The following TRIM72 variants were observed in gnomAD, a reference collection of about 807,000 sequenced individuals.
TRIM72 encodes the protein tripartite motif-containing protein 72.
A neutral mutation model predicts 31.6 loss-of-function variants in TRIM72; 33 were observed. The ratio of observed to expected loss-of-function variants is 1.04; its 90% CI spans 0.79 to 1.40. TRIM72 has a LOEUF of 1.40. Among genes scored for constraint, TRIM72 ranks in the 40% most tolerant of loss-of-function variants. The probability of loss-of-function intolerance (pLI) is 0.00; values close to 1 mark genes in which losing one functional copy is unlikely to be tolerated. For synonymous variants in TRIM72, 301 were observed against 314.4 expected (o/e 0.96, Z 0.45); for missense variants, 666 against 682.7 (o/e 0.98, Z 0.27).
rs1394194641 is a variant in TRIM72, at chr16:31,219,687, T to A, written c.717+168T>A. ...ATGGTTGTTTAGGTTGAGCACTGCA[T>A]AAGGACATTGTATTAAGTGAGCACT... On this transcript the variant is annotated intron_variant, in intron 4 of 6. Coordinates refer to ENST00000322122, the MANE Select transcript of TRIM72 (RefSeq NM_001008274.4). This position sits in a 1 kb window ranked among gnomAD's most constrained non-coding sequence, Gnocchi z 4.2. Among the ~76,000 whole-genome samples the A allele has an allele frequency of 6.6e-6, 1 of 152,230 alleles. No homozygotes were observed. The highest frequency in any genetic ancestry group is 1.5e-5 in the Non-Finnish European group (1 of 68,034).
At position 31,226,831 on chromosome 16, in the gene TRIM72, C is replaced by T. The variant is rs2079556467; in HGVS notation, c.*2076C>T. 6.6e-6 allele frequency: 1 copy of T among 152,334 alleles called. No individual in the cohort carries two copies. The highest frequency in any genetic ancestry group is 1.5e-5 in the Non-Finnish European group (1 of 68,144). The allele number at this position is 152,334 out of a possible 1,614,324, so 9.4% of individuals were successfully genotyped here. A position where few individuals can be genotyped will look rare whatever the true frequency, so the allele number is the denominator to read the frequency against. On this transcript the variant is annotated 3_prime_UTR_variant, in exon 7 of 7. Coordinates refer to ENST00000322122, the MANE Select transcript of TRIM72 (RefSeq NM_001008274.4). ...GGGAAGACGCTGGCCTGGGGTCACT[C>T]ATTTTCACGGGGAGGGTGTGCTGGC...
intron 6 of TRIM72, 52 bp from the exon 7 acceptor site, chr16:31,224,129 G>A (rs56996824): frequency 1.3e-6 from 2 of 1,567,788 alleles, no homozygotes; most frequent in Non-Finnish European, 1.7e-6. Context: ...GTTGGGAGAA[G>A]ACCCCAGCGA....
At position 31,219,214 on chromosome 16, in the gene TRIM72, C is replaced by A. The variant is rs745390498; in HGVS notation, c.486+24C>A. ...AGGTGAGGACTTCACAGGGCCATGT[C>A]TGAGGGCTGGGGGCCAGGCTAGGGG... On this transcript the variant is annotated intron_variant, in intron 3 of 6. Coordinates refer to ENST00000322122, the MANE Select transcript of TRIM72 (RefSeq NM_001008274.4). This position sits in a 1 kb window ranked among gnomAD's most constrained non-coding sequence, Gnocchi z 4.2. 2 of 1,613,900 alleles carry A rather than the reference C, an allele frequency of 1.2e-6. No homozygotes were observed. Among genetic ancestry groups the A allele is most frequent in the Admixed American group, 1.7e-5 (1 of 59,972 alleles).
rs1166085381 is a variant in TRIM72, at chr16:31,227,067, T to TAGA, written c.*2315_*2317dup. 2.6e-5 allele frequency: 4 copies of TAGA among 152,310 alleles called. No homozygotes were observed. The East Asian group carries it at 7.7e-4, about 29-fold the overall frequency. 9.4% of individuals were successfully genotyped at this position (152,310 alleles called of 1,614,324 possible). ...AGGAGACAGAAGAGAGGATTAACGGTAGAAGCTCTTTCATGTTAGAAAATA... is the reference window on the plus strand; with the variant it reads ...AGGAGACAGAAGAGAGGATTAACGGTAGAAGAAGCTCTTTCATGTTAGAAAATA... On this transcript the variant is annotated 3_prime_UTR_variant, in exon 7 of 7. Coordinates refer to ENST00000322122, the MANE Select transcript of TRIM72 (RefSeq NM_001008274.4).
intron 5 of TRIM72, 77 bp from the exon 6 acceptor site, chr16:31,222,750 G>T: frequency 1.4e-6 from 1 of 738,194 alleles, no homozygotes. Context: ...GGGGTGCGAT[G>T]TGGGGAGATC....
rs967122876 is a variant in TRIM72, at chr16:31,229,560, C to T, written c.*4805C>T. On this transcript the variant is annotated 3_prime_UTR_variant, in exon 7 of 7. Transcript: ENST00000322122. ...TCCTTGTCGGGTGGGGCTGCCTGAC[C>T]CAGGCAGGGTCTCCCTGGGGATGTA... 7.9e-5 allele frequency: 12 copies of T among 152,166 alleles called. No homozygotes were observed. The highest frequency in any genetic ancestry group is 2.0e-4 in the Admixed American group (3 of 15,262). The allele number at this position is 152,166 out of a possible 1,614,324, so 9.4% of individuals were successfully genotyped here. A position where few individuals can be genotyped will look rare whatever the true frequency, so the allele number is the denominator to read the frequency against.
In TRIM72 at chr16:31,224,614, C is replaced by T. The variant is rs1417501127; in HGVS notation, c.1293C>T (p.Asp431=). Residue 431 remains aspartate (D), a synonymous_variant, in exon 7 of 7, where the codon GAC becomes GAT. Coordinates refer to ENST00000322122, the MANE Select transcript of TRIM72 (RefSeq NM_001008274.4). ...DGVLSFYDAS[D]ADALVPLFAF... is the part of the protein sequence containing the mutation. ...TCCTCTCCTTCTACGATGCCAGCGA[C>T]GCCGACGCGCTCGTGCCGCTTTTTG... 6.4e-7 allele frequency: 1 copy of T among 1,552,350 alleles called. No individual in the cohort carries two copies. The highest frequency in any genetic ancestry group is 1.2e-5 in the South Asian group (1 of 85,506).
At position 31,216,966 on chromosome 16, in the gene TRIM72, C is replaced by A; in HGVS notation, c.390+1838C>A. 6.2e-7 allele frequency: 1 copy of A among 1,614,160 alleles called. No homozygotes were observed. Among genetic ancestry groups the A allele is most frequent in the Non-Finnish European group, 8.5e-7 (1 of 1,180,012 alleles). On this transcript the variant is annotated intron_variant, in intron 2 of 6. Transcript: ENST00000322122. This position sits in a 1 kb window ranked among gnomAD's most constrained non-coding sequence, Gnocchi z 6.7. ...CCGTCCCCAGCTTCATCTTGAACTT[C>A]TTGAGCTCCTCCGGTGTCAGGTTCT...
In TRIM72 at chr16:31,224,665, C is replaced by CGTGT; in HGVS notation, c.1345_1348dup (p.Tyr450CysfsTer77). 1 of 1,549,086 alleles carries CGTGT rather than the reference C, an allele frequency of 6.5e-7. No individual in the cohort carries two copies. The highest frequency in any genetic ancestry group is 8.7e-7 in the Non-Finnish European group (1 of 1,154,560). On this transcript the variant is annotated frameshift_variant, in exon 7 of 7. Transcript: ENST00000322122. LOFTEE classifies it high-confidence loss of function. ...CCTTCCACGAGCGCCTGCCCAGGCC[C>CGTGT]GTGTACCCCTTCTTCGACGTGTGCT...
chr16:31,230,232 C>T lies in TRIM72; in HGVS notation c.*5477C>T, dbSNP rs2079565695. On this transcript the variant is annotated 3_prime_UTR_variant, in exon 7 of 7. Transcript: ENST00000322122. The stretch of plus-strand genomic sequence containing the variant: ...AGTGAGCCTTATCTCTCTCCCTTTC[C>T]CAGGCATTGTGAAGACCCTGTTTCT... The T allele has an allele frequency of 6.6e-6, 1 of 152,156 alleles. No homozygotes were observed. Among genetic ancestry groups the T allele is most frequent in the Non-Finnish European group, 1.5e-5 (1 of 68,034 alleles). The allele number at this position is 152,156 out of a possible 1,614,324, so 9.4% of individuals were successfully genotyped here.
At position 31,215,575 on chromosome 16, in the gene TRIM72, G is replaced by A. The variant is rs1440517059; in HGVS notation, c.390+447G>A. Among the ~76,000 whole-genome samples, 3 of 152,066 alleles carry A rather than the reference G, an allele frequency of 2.0e-5. No homozygotes were observed. Among genetic ancestry groups the A allele is most frequent in the Non-Finnish European group, 4.4e-5 (3 of 67,994 alleles). On this transcript the variant is annotated intron_variant, in intron 2 of 6. Transcript: ENST00000322122. The surrounding 1 kb of genome is among the most constrained non-coding windows in gnomAD (Gnocchi z 6.3). ...GACTGGAGGCGCGGCGTTCGGGACC[G>A]AGCCAGGCGGCCGGGGCAGGGTTGT...
In TRIM72 at chr16:31,222,924, A is replaced by G. The variant is rs1045551590; in HGVS notation, c.838A>G (p.Met280Val). ...DDFKFQVWRKMFRALMPALEE... is the reference protein window; with the variant it reads ...DDFKFQVWRKVFRALMPALEE... ...CTTCAAATTCCAGGTGTGGAGGAAG[A>G]TGTTCCGGGCTCTGATGCCAGGTAC... Residue 280 changes from methionine (M) to valine (V), a missense_variant, in exon 6 of 7, where the codon ATG becomes GTG. By Grantham distance (21) the Met-to-Val change is conservative. Coordinates refer to ENST00000322122, the MANE Select transcript of TRIM72 (RefSeq NM_001008274.4). 6.4e-7 allele frequency: 1 copy of G among 1,572,588 alleles called. No homozygotes were observed.
intron 2 of TRIM72, chr16:31,217,313 G>A: frequency 4.6e-6 from 2 of 434,488 alleles, no homozygotes; most frequent in Non-Finnish European, 8.3e-6. Flanking sequence ...GGCAGGAATG[G>A]AACTGATTCC....
chr16:31,230,911 A>C lies in TRIM72; in HGVS notation c.*6156A>C, dbSNP rs2079567925. The C allele has an allele frequency of 6.6e-6, 1 of 152,110 alleles. No homozygotes were observed. Among genetic ancestry groups the C allele is most frequent in the Non-Finnish European group, 1.5e-5 (1 of 68,024 alleles). The allele number at this position is 152,110 out of a possible 1,614,324, so 9.4% of individuals were successfully genotyped here. On this transcript the variant is annotated 3_prime_UTR_variant, in exon 7 of 7. Transcript: ENST00000322122. ...GAGACTCTGTCTCAAAGGAAAAAAA[A>C]GAAAATTTATTGAGACCTTATTATG...
chr16:31,216,806 C>A lies in TRIM72; in HGVS notation c.390+1678C>A, dbSNP rs759953624. Reference sequence around the variant, plus strand: ...GCGGCCTCCTCCAACATGCGCATGTCGCGCAGCACGGCCACGACGAGCTCG... The same window carrying A: ...GCGGCCTCCTCCAACATGCGCATGTAGCGCAGCACGGCCACGACGAGCTCG... On this transcript the variant is annotated intron_variant, in intron 2 of 6. Coordinates refer to ENST00000322122, the MANE Select transcript of TRIM72 (RefSeq NM_001008274.4). The surrounding 1 kb of genome is among the most constrained non-coding windows in gnomAD (Gnocchi z 6.7). 19 of 1,611,274 alleles carry A rather than the reference C, an allele frequency of 1.2e-5. No individual in the cohort carries two copies. In the African/African-American group the frequency reaches 2.1e-4, roughly 18 times the overall value.
chr16:31,217,164 G>T lies in TRIM72; in HGVS notation c.391-1931G>T, dbSNP rs2144190649. 7.4e-6 allele frequency: 7 copies of T among 941,374 alleles called. No homozygotes were observed. The East Asian group carries it at 1.9e-4, about 25-fold the overall frequency. The allele number at this position is 941,374 out of a possible 1,614,324, so 58.3% of individuals were successfully genotyped here. Reference sequence around the variant, plus strand: ...CTGGCAGCTCCTATTCAACCCTGTGGCTCCTGCTGGGAGGGGACTCTGCAA... The same window carrying T: ...CTGGCAGCTCCTATTCAACCCTGTGTCTCCTGCTGGGAGGGGACTCTGCAA... On this transcript the variant is annotated intron_variant, in intron 2 of 6. Transcript: ENST00000322122.
At position 31,219,055 on chromosome 16, in the gene TRIM72, G is replaced by A; in HGVS notation, c.391-40G>A. The A allele has an allele frequency of 6.5e-7, 1 of 1,536,546 alleles. No homozygotes were observed. Among genetic ancestry groups the A allele is most frequent in the Non-Finnish European group, 8.8e-7 (1 of 1,135,860 alleles). The stretch of plus-strand genomic sequence containing the variant: ...AGGATGGGAGGTGTGGGTTTTGGGT[G>A]GGTGGCATCCCCATCACTTCTCCAT... On this transcript the variant is annotated intron_variant, in intron 2 of 6. Transcript: ENST00000322122. This position sits in a 1 kb window ranked among gnomAD's most constrained non-coding sequence, Gnocchi z 4.2.
intron 5 of TRIM72, among the ~76,000 whole-genome samples, chr16:31,222,383 A>G (rs1039677506): frequency 2.7e-5 from 4 of 147,720 alleles, no homozygotes; most frequent in African/African-American, 7.5e-5. Context: ...ATAGAGCCAG[A>G]CTCAATCTCA....
At position 31,219,443 on chromosome 16, in the gene TRIM72, C is replaced by G; in HGVS notation, c.641C>G (p.Ser214Cys). The G allele has an allele frequency of 1.9e-6, 3 of 1,612,646 alleles. No individual in the cohort carries two copies. The highest frequency in any genetic ancestry group is 2.5e-6 in the Non-Finnish European group (3 of 1,179,550). ...ALRRELGSLN[S>C]YLEQLRQMEK... The stretch of plus-strand genomic sequence containing the variant: ...CGCCGGGAGCTGGGGAGCCTGAACT[C>G]TTACCTGGAGCAGCTGCGGCAGATG... The change falls in exon 4 of 7, where the codon TCT (serine) becomes TGT (cysteine). Residue 214 changes from serine (S) to cysteine (C), a missense_variant. Coordinates refer to ENST00000322122, the MANE Select transcript of TRIM72 (RefSeq NM_001008274.4). This position sits in a 1 kb window ranked among gnomAD's most constrained non-coding sequence, Gnocchi z 4.2.
Sources: gnomAD v4.1 joint callset for allele counts (sites outside exome capture counted in the v4.1 genomes callset) on GRCh38, gnomAD v4.1.1 for gene constraint, Gnocchi (gnomAD v3.1) non-coding constraint, MANE v1.5 for transcripts, NCBI Gene and HGNC (gene_info 2026-07-23, HGNC 2026-07-21) for gene names.